ABHD2: variants seen among roughly 807,000 people sequenced by gnomAD.
ABHD2 encodes monoacylglycerol lipase ABHD2.
A neutral mutation model predicts 48.1 loss-of-function variants in ABHD2; 20 were observed. The ratio of observed to expected loss-of-function variants is 0.42; its 90% CI spans 0.29 to 0.60. The LOEUF is 0.60. ABHD2 is among the 20% of genes least tolerant of loss of function. ABHD2 has a pLI of 0.24. For missense variants in ABHD2, 405 were observed against 550.9 expected (o/e 0.74, Z 2.65); for synonymous variants, 209 against 214.2 (o/e 0.98, Z 0.21).
rs1326026536 is a variant in ABHD2 at position 89,146,896 on chromosome 15, C to T, written c.195-4781C>T. On this transcript the variant is annotated intron_variant, in intron 3 of 10. Transcript: ENST00000352732. The surrounding 1 kb of genome is among the most constrained non-coding windows in gnomAD (Gnocchi z 4.2). ...ATTTGTCGTGTTTCCAATCAAAAAT[C>T]TAAAATTTTTATAGAACTAAACAAG... Among the ~76,000 whole-genome samples, 1 of 152,116 alleles carries T rather than the reference C, an allele frequency of 6.6e-6. No homozygotes were observed. Among genetic ancestry groups the T allele is most frequent in the Non-Finnish European group, 1.5e-5 (1 of 68,020 alleles).
intron 1 of ABHD2, among the ~76,000 whole-genome samples, chr15:89,107,188 A>G (rs2049799895): frequency 6.6e-6 from 1 of 152,196 alleles, no homozygotes; most frequent in South Asian, 2.1e-4. Flanking sequence ...GTGCACTGCC[A>G]AGGATGCATT....
rs2051240987 is a variant in ABHD2 at position 89,188,052 on chromosome 15, G to C, written c.816-141G>C. ...TTAACAGCGCCAGCTCATCCTCTGGGACATTCCAAAGGCTAAAGGTTCTAT... is the reference window on the plus strand; with the variant it reads ...TTAACAGCGCCAGCTCATCCTCTGGCACATTCCAAAGGCTAAAGGTTCTAT... On this transcript the variant is annotated intron_variant, in intron 7 of 10. Coordinates refer to ENST00000352732, the MANE Select transcript of ABHD2 (RefSeq NM_152924.5). This position sits in a 1 kb window ranked among gnomAD's most constrained non-coding sequence, Gnocchi z 4.1. 3.1e-6 allele frequency: 2 copies of C among 642,494 alleles called. No individual in the cohort carries two copies. Among genetic ancestry groups the C allele is most frequent in the Non-Finnish European group, 5.5e-6 (2 of 362,386 alleles). 39.8% of individuals were successfully genotyped at this position (642,494 alleles called of 1,614,324 possible).
At chr15:89,078,730 T>TA in the ABHD2 span, among the ~76,000 whole-genome samples, 2 of 151,348 alleles carry the variant, frequency 1.3e-5, no homozygotes, top group Non-Finnish European at 2.9e-5. Context: ...GTAGGCTTTT[T>TA]TTTTTTCTTT....
chr15:89,169,804 T>C (rs1384763907), intron 5 of ABHD2, among the ~76,000 whole-genome samples: 2 of 152,218 alleles, frequency 1.3e-5, no homozygotes, highest in Middle Eastern at 3.4e-3. Context: ...GATTCATATT[T>C]AAAAAGAAAT....
chr15:89,150,939 C>A (rs532286405), intron 3 of ABHD2, among the ~76,000 whole-genome samples: 1 of 152,352 alleles, frequency 6.6e-6, no homozygotes, highest in African/African-American at 2.4e-5. Flanking sequence ...GGATCATCTT[C>A]TTTTCCTGGT....
the ABHD2 span, among the ~76,000 whole-genome samples, chr15:89,053,600 G>A: frequency 6.6e-6 from 1 of 152,186 alleles, no homozygotes; most frequent in East Asian, 1.9e-4. Flanking sequence ...CTCAAAGAAG[G>A]TGGACACAGG....
chr15:89,137,690 G>A lies in ABHD2; in HGVS notation c.195-13987G>A, dbSNP rs1469840637. 6.6e-6 allele frequency among the ~76,000 whole-genome samples: 1 copy of A among 152,346 alleles called. No individual in the cohort carries two copies. Among genetic ancestry groups the A allele is most frequent in the East Asian group, 1.9e-4 (1 of 5,190 alleles). On this transcript the variant is annotated intron_variant, in intron 3 of 10. Coordinates refer to ENST00000352732, the MANE Select transcript of ABHD2 (RefSeq NM_152924.5). This position sits in a 1 kb window ranked among gnomAD's most constrained non-coding sequence, Gnocchi z 4.8. ...AGCAACAACAGTGAAAATGTAATGTGTGACAGCTGTGGAGAAGAATTTGCC... is the reference window on the plus strand; with the variant it reads ...AGCAACAACAGTGAAAATGTAATGTATGACAGCTGTGGAGAAGAATTTGCC...
intron 9 of ABHD2, among the ~76,000 whole-genome samples, chr15:89,192,445 G>A (rs965994210): frequency 1.5e-4 from 23 of 151,924 alleles, no homozygotes; most frequent in Admixed American, 1.0e-3. Flanking sequence ...ATGCAACCCT[G>A]CCAACGGTTT....
intron 3 of ABHD2, among the ~76,000 whole-genome samples, chr15:89,119,198 C>T (rs2050008877): frequency 6.6e-6 from 1 of 152,176 alleles, no homozygotes. Flanking sequence ...GAACCAATTT[C>T]CTTCCAAAGC....
intron 5 of ABHD2, among the ~76,000 whole-genome samples, chr15:89,156,787 T>C (rs1014468909): frequency 2.0e-5 from 3 of 152,156 alleles, no homozygotes; most frequent in Non-Finnish European, 4.4e-5. Context: ...TTGATTCTTA[T>C]TAGCTCTCTC....
At chr15:89,117,213 A>T (rs920705371) in intron 3 of ABHD2, among the ~76,000 whole-genome samples, 1 of 152,114 alleles carries the variant, frequency 6.6e-6, no homozygotes, top group Non-Finnish European at 1.5e-5. Context: ...TTTAGTAGAG[A>T]CGGGGTTTCG....
upstream of ABHD2, among the ~76,000 whole-genome samples, chr15:89,084,895 G>C (rs1203185837): frequency 6.6e-6 from 1 of 152,132 alleles, no homozygotes; most frequent in Non-Finnish European, 1.5e-5. This position sits in a 1 kb window ranked among gnomAD's most constrained non-coding sequence, Gnocchi z 4.4. Flanking sequence ...GAGATGTGCT[G>C]TACTCGCCCA....
the ABHD2 span, among the ~76,000 whole-genome samples, chr15:89,069,163 T>C: frequency 6.0e-5 from 9 of 150,830 alleles, no homozygotes; most frequent in Non-Finnish European, 1.3e-4. Context: ...TCTCTCTCTG[T>C]TGCCCAGGCT....
chr15:89,132,097 G>T (rs1445661764), intron 3 of ABHD2, among the ~76,000 whole-genome samples: 1 of 152,168 alleles, frequency 6.6e-6, no homozygotes, highest in African/African-American at 2.4e-5. Context: ...AAGATGTTTT[G>T]CTGGCATTGT....
At chr15:89,181,563 C>T (rs12441408) in intron 6 of ABHD2, among the ~76,000 whole-genome samples, 104,462 of 151,970 alleles carry the variant, frequency 0.69, 37,179 homozygotes, top group African/African-American at 0.87. Flanking sequence ...CCCACTCTTA[C>T]AGAACCTCAT....
At chr15:89,083,960 G>A (rs1274425775), upstream of ABHD2, among the ~76,000 whole-genome samples, 1 of 152,062 alleles carries the variant, frequency 6.6e-6, no homozygotes, top group Admixed American at 6.6e-5. The surrounding 1 kb of genome is among the most constrained non-coding windows in gnomAD (Gnocchi z 5.1). Context: ...GACTGCACCG[G>A]CTGTGACAAT....
rs773255117 is a variant in ABHD2 at position 89,127,692 on chromosome 15, A to AAT, written c.194+11183_194+11184dup. On this transcript the variant is annotated intron_variant, in intron 3 of 10. Transcript: ENST00000352732. Reference sequence around the variant, plus strand: ...GAATAAAGGAAGATTCTTCTCAGTGAATATATATATATACATATATATATA... The same window carrying AAT: ...GAATAAAGGAAGATTCTTCTCAGTGAATATATATATATATACATATATATATA... Among the ~76,000 whole-genome samples the AAT allele has an allele frequency of 5.7e-3, 696 of 121,700 alleles. 11 individuals carry two copies. Among genetic ancestry groups the AAT allele is most frequent in the African/African-American group, 0.014 (329 of 22,958 alleles). The allele number at this position is 121,700 out of a possible 152,430, so 79.8% of individuals were successfully genotyped here.
chr15:89,147,145 A>AT (rs2050505292), intron 3 of ABHD2, among the ~76,000 whole-genome samples: 1 of 152,196 alleles, frequency 6.6e-6, no homozygotes, highest in South Asian at 2.1e-4. Flanking sequence ...GTGTATATTA[A>AT]AGATGTCCAC....
In ABHD2 at chr15:89,115,370, ATGTGTGTGTGTGTGTGTGTGTGTG is replaced by A. The variant is rs1164718189; in HGVS notation, c.-6-914_-6-891del. ...TGTTTGGTTTTATATGTTTGGAGGT[ATGTGTGTGTGTGTGTGTGTGTGTG>A]TGTGTGTGTGTGTGTGTGTGTGTGT... On this transcript the variant is annotated intron_variant, in intron 2 of 10. Coordinates refer to ENST00000352732, the MANE Select transcript of ABHD2 (RefSeq NM_152924.5). 4.3e-3 allele frequency among the ~76,000 whole-genome samples: 434 copies of A among 100,680 alleles called. 2 individuals are homozygous for A. The highest frequency in any genetic ancestry group is 0.019 in the South Asian group (56 of 3,002). The allele number at this position is 100,680 out of a possible 152,430, so 66.0% of individuals were successfully genotyped here.
Sources: gnomAD v4.1 joint callset for allele counts (sites outside exome capture counted in the v4.1 genomes callset) on GRCh38, gnomAD v4.1.1 for gene constraint, Gnocchi (gnomAD v3.1) non-coding constraint, MANE v1.5 for transcripts, NCBI Gene and HGNC (gene_info 2026-07-23, HGNC 2026-07-21) for gene names.